SHROOM4: variants seen among roughly 807,000 people sequenced by gnomAD.
SHROOM4 encodes shroom family member 4, also known as protein Shroom4.
A neutral mutation model predicts 80.3 loss-of-function variants in SHROOM4; 17 were observed. The ratio of observed to expected loss-of-function variants is 0.21; its 90% CI spans 0.14 to 0.32. The LOEUF (loss-of-function observed/expected upper bound fraction) is 0.32. Among genes scored for constraint, SHROOM4 ranks in the 10% least tolerant of loss-of-function variants. SHROOM4 has a pLI of 1.00. For missense variants in SHROOM4, 993 were observed against 1,140.3 expected (o/e 0.87, Z 1.86); for synonymous variants, 400 against 437.5 (o/e 0.91, Z 1.07).
chrX:50,698,588 G>T (rs1356514180), intron 1 of SHROOM4, among the ~76,000 whole-genome samples: 1 of 110,882 alleles, frequency 9.0e-6, no homozygotes, highest in Non-Finnish European at 1.9e-5. Context: ...CTGTGCAATG[G>T]ACTCTATACT....
intron 2 of SHROOM4, among the ~76,000 whole-genome samples, chrX:50,692,980 T>G (rs782093004): frequency 7.2e-5 from 8 of 111,769 alleles, no homozygotes; most frequent in Non-Finnish European, 1.3e-4. Flanking sequence ...TGGGAGAAGA[T>G]GATGATGTGT....
chrX:50,728,709 G>A (rs1389300651), intron 1 of SHROOM4, among the ~76,000 whole-genome samples: 1 of 111,352 alleles, frequency 9.0e-6, no homozygotes, highest in African/African-American at 3.3e-5. Flanking sequence ...ACCAGAGAGA[G>A]AACATCTGGC....
intron 1 of SHROOM4, among the ~76,000 whole-genome samples, chrX:50,784,311 G>A (rs1397601839): frequency 6.3e-5 from 7 of 111,156 alleles, no homozygotes; most frequent in Non-Finnish European, 1.3e-4. Context: ...TTTTTAAAAA[G>A]TGGTTTTATT....
At chrX:50,622,765 T>A (rs782714362) in intron 5 of SHROOM4, among the ~76,000 whole-genome samples, 2 of 112,513 alleles carry the variant, frequency 1.8e-5, no homozygotes, top group East Asian at 5.6e-4. Flanking sequence ...CCTGGACATC[T>A]CCTAGTCCTT....
At chrX:50,622,412 G>T (rs1009945568) in intron 5 of SHROOM4, among the ~76,000 whole-genome samples, 3 of 112,074 alleles carry the variant, frequency 2.7e-5, no homozygotes, top group African/African-American at 9.7e-5. Flanking sequence ...ACTTATTTTG[G>T]CTTTTAAATA....
Position 50,704,528 on chromosome X carries a change from A to G in SHROOM4, c.118-8591T>C, listed in dbSNP as rs189751870. 5.2e-4 allele frequency among the ~76,000 whole-genome samples: 58 copies of G among 112,266 alleles called. 1 individual carries two copies. The highest frequency in any genetic ancestry group is 1.9e-4 in the Non-Finnish European group (10 of 53,248). The stretch of plus-strand genomic sequence containing the variant: ...ACCATCCCAAAGCCAGGTTCACTCA[A>G]TAACTCACTGCTGGTTCTCTAAAGC... On this transcript the variant is annotated intron_variant, in intron 1 of 8. Transcript: ENST00000376020.
intron 2 of SHROOM4, among the ~76,000 whole-genome samples, chrX:50,673,384 TA>T (rs1932818877): frequency 2.7e-5 from 3 of 111,127 alleles, no homozygotes; most frequent in Admixed American, 1.9e-4. Flanking sequence ...TAGCAACCAC[TA>T]AAAAATCAAT....
At chrX:50,731,297 CCTT>C in intron 1 of SHROOM4, among the ~76,000 whole-genome samples, 1 of 111,088 alleles carries the variant, frequency 9.0e-6, no homozygotes, top group African/African-American at 3.3e-5. Context: ...TTCCCTCTCT[CCTT>C]CTTCCACCCA....
chrX:50,579,254 T>C, the SHROOM4 span, among the ~76,000 whole-genome samples: 1 of 111,297 alleles, frequency 9.0e-6, no homozygotes, highest in Non-Finnish European at 1.9e-5. Context: ...AGAAGAAAAA[T>C]ATAAGTGATT....
At chrX:50,760,641 T>C (rs1285368119) in intron 1 of SHROOM4, among the ~76,000 whole-genome samples, 4 of 110,603 alleles carry the variant, frequency 3.6e-5, no homozygotes, top group African/African-American at 1.3e-4. Flanking sequence ...CCTGACAACA[T>C]TTTTTTTTGT....
At chrX:50,742,025 C>T in intron 1 of SHROOM4, among the ~76,000 whole-genome samples, 1 of 110,887 alleles carries the variant, frequency 9.0e-6, no homozygotes. Context: ...GAGAAAAATA[C>T]ATATTATAAT....
At chrX:50,770,359 G>A (rs1379398787) in intron 1 of SHROOM4, among the ~76,000 whole-genome samples, 9 of 112,257 alleles carry the variant, frequency 8.0e-5, no homozygotes, top group Non-Finnish European at 1.3e-4. Context: ...CAGATTGGGA[G>A]GGGGAAATTT....
intron 5 of SHROOM4, among the ~76,000 whole-genome samples, chrX:50,625,956 A>C (rs1157149646): frequency 2.7e-5 from 3 of 112,026 alleles, no homozygotes; most frequent in Non-Finnish European, 3.8e-5. Flanking sequence ...ATTTCCTGAG[A>C]GTTTACGGTG....
Position 50,738,480 on chromosome X carries a change from G to A in SHROOM4, c.118-42543C>T, listed in dbSNP as rs782146202. Among the ~76,000 whole-genome samples the A allele has an allele frequency of 2.4e-4, 27 of 111,872 alleles. 1 individual carries two copies. In the South Asian group the frequency reaches 9.8e-3, roughly 41 times the overall value. ...TAAACTGATAAGCAACTTCAGCAAA[G>A]TCTCAGGATACAAAATCAATGTGCA... On this transcript the variant is annotated intron_variant, in intron 1 of 8. Coordinates refer to ENST00000376020, the MANE Select transcript of SHROOM4 (RefSeq NM_020717.5).
intron 1 of SHROOM4, among the ~76,000 whole-genome samples, chrX:50,743,001 T>G (rs1397732458): frequency 1.8e-5 from 2 of 111,883 alleles, no homozygotes; most frequent in Non-Finnish European, 3.8e-5. Context: ...GATTATAATC[T>G]ATTAGTACTT....
chrX:50,705,621 G>C (rs782035333), intron 1 of SHROOM4, among the ~76,000 whole-genome samples: 1 of 110,866 alleles, frequency 9.0e-6, no homozygotes, highest in South Asian at 3.9e-4. Flanking sequence ...CCTTGGCACT[G>C]ACGGTGTTCC....
chrX:50,812,541 C>T (rs980500971), intron 1 of SHROOM4, among the ~76,000 whole-genome samples: 3 of 110,011 alleles, frequency 2.7e-5, no homozygotes, highest in Admixed American at 9.7e-5. Context: ...CCTCAGCATA[C>T]CTCAGACTCC....
At chrX:50,764,921 T>C (rs1274552431) in intron 1 of SHROOM4, among the ~76,000 whole-genome samples, 3 of 112,066 alleles carry the variant, frequency 2.7e-5, no homozygotes, top group Non-Finnish European at 5.6e-5. Context: ...CCCACGATCA[T>C]GGCAGAAGGC....
chrX:50,627,764 G>A, intron 4 of SHROOM4, 89 bp from the exon 5 acceptor site: 4 of 736,813 alleles, frequency 5.4e-6, no homozygotes, highest in South Asian at 2.2e-5. Flanking sequence ...AGGAGCCGGT[G>A]TCTGGCCCAG....
Sources: allele counts gnomAD v4.1 joint callset (sites outside exome capture counted in the v4.1 genomes callset), GRCh38; gene constraint gnomAD v4.1.1; transcripts MANE v1.5; gene names NCBI Gene and HGNC (gene_info 2026-07-23, HGNC 2026-07-21).